The following NTN5 variants were observed in gnomAD, a reference collection of about 807,000 sequenced individuals.
NTN5 encodes the protein netrin-5.
Under a neutral mutation model 38.7 loss-of-function variants are expected in NTN5, and 42 were observed. That is an observed-to-expected ratio of 1.08 (90% confidence interval 0.85 to 1.40). The LOEUF is 1.40. Ranked by LOEUF, NTN5 falls within the 40% of genes most tolerant of loss-of-function variation. The pLI, the probability that NTN5 is intolerant of heterozygous loss-of-function variation, is 0.00. For synonymous variants in NTN5, 329 were observed against 303.9 expected (o/e 1.08, Z -0.86); for missense variants, 658 against 716.5 (o/e 0.92, Z 0.93).
At chr19:48,669,861 CCATCACCATCAT>C (rs2031886788) in intron 2 of NTN5, among the ~76,000 whole-genome samples, 1 of 118,292 alleles carries the variant, frequency 8.5e-6, no homozygotes, top group Non-Finnish European at 1.9e-5. Flanking sequence ...ATCACCACCA[CCATCACCATCAT>C]CACCACTACC....
rs557495624 is a variant in NTN5 at position 48,664,056 on chromosome 19, C to T, written c.970+87G>A. ...CTTGGGCTCCCAATTCCCAAGGCCC[C>T]AGCCCTCACTGCAGCTGTGCACTGG... On this transcript the variant is annotated intron_variant, in intron 4 of 6. Coordinates refer to ENST00000270235, the MANE Select transcript of NTN5 (RefSeq NM_145807.4). The T allele has an allele frequency of 1.7e-5, 25 of 1,467,002 alleles. 1 individual carries two copies. The East Asian group carries it at 6.2e-4, about 36-fold the overall frequency. 90.9% of individuals were successfully genotyped at this position (1,467,002 alleles called of 1,614,324 possible).
chr19:48,664,362 C>T, intron 3 of NTN5, 70 bp from the exon 4 acceptor site: 1 of 1,550,120 alleles, frequency 6.5e-7, no homozygotes, highest in East Asian at 2.3e-5. Flanking sequence ...TCCACAGTGC[C>T]TCCTCCCTCA....
chr19:48,670,151 C>T (rs555564136), intron 2 of NTN5, among the ~76,000 whole-genome samples: 1 of 152,154 alleles, frequency 6.6e-6, no homozygotes, highest in East Asian at 1.9e-4. Context: ...AGAGGCTGAG[C>T]CCCTCATGAG....
At chr19:48,670,295 G>A in intron 2 of NTN5, 61 bp downstream of exon 2, 1 of 1,367,180 alleles carries the variant, frequency 7.3e-7, no homozygotes, top group Admixed American at 3.7e-5. Flanking sequence ...TGCTCCCGTA[G>A]GGACAAAGGA....
chr19:48,663,482 C>A lies in NTN5; in HGVS notation c.1086G>T (p.Arg362Ser). Residue 362 changes from arginine to serine, a missense_variant, in exon 6 of 7, where the codon AGG (arginine) becomes AGT (serine). Coordinates refer to ENST00000270235, the MANE Select transcript of NTN5 (RefSeq NM_145807.4). Reference sequence around the variant, plus strand: ...ACTCACCATGGTCCTGCTGGCAGTACCTCCGAAGGCTCATGTGTACCCTGG... The same window carrying A: ...ACTCACCATGGTCCTGCTGGCAGTAACTCCGAAGGCTCATGTGTACCCTGG... Reference protein sequence around the residue: ...SDTRVHMSLRRYCQQDHVLRA... With the variant: ...SDTRVHMSLRSYCQQDHVLRA... 6.2e-7 allele frequency: 1 copy of A among 1,614,172 alleles called. No individual in the cohort carries two copies. The highest frequency in any genetic ancestry group is 8.5e-7 in the Non-Finnish European group (1 of 1,180,000).
rs1410521819 is a variant in NTN5, at chr19:48,670,442, G to A, written c.545C>T (p.Thr182Ile). ...PPRCHCRHHT[T>I]GPGCESCRPS... ...GCGGCAGCTCTCGCACCCCGGGCCA[G>A]TGGTATGGTGGCGGCAGTGGCAGCG... The change falls in exon 2 of 7, where the codon ACT becomes ATT. Residue 182 changes from threonine (T) to isoleucine (I), a missense_variant. Thr to Ile is a moderately conservative substitution (Grantham distance 89, BLOSUM62 -1). Transcript: ENST00000270235. The A allele has an allele frequency of 1.4e-6, 2 of 1,470,270 alleles. No homozygotes were observed. Among genetic ancestry groups the A allele is most frequent in the Non-Finnish European group, 1.8e-6 (2 of 1,111,810 alleles). The allele number at this position is 1,470,270 out of a possible 1,614,324, so 91.1% of individuals were successfully genotyped here. A position where few individuals can be genotyped will look rare whatever the true frequency, so the allele number is the denominator to read the frequency against.
At chr19:48,668,989 CCATCACCATCATCACCACTAT>C (rs2031778399) in intron 2 of NTN5, among the ~76,000 whole-genome samples, 2 of 150,494 alleles carry the variant, frequency 1.3e-5, no homozygotes, top group Non-Finnish European at 3.0e-5. Flanking sequence ...ACCACTATCA[CCATCACCATCATCACCACTAT>C]CACCACCATC....
intron 4 of NTN5, 107 bp from the exon 5 acceptor site, chr19:48,663,921 G>A (rs775989375): frequency 3.1e-5 from 38 of 1,233,992 alleles, no homozygotes; most frequent in Non-Finnish European, 4.2e-5. Flanking sequence ...TATTCCTTTA[G>A]GACTCAAGAG....
chr19:48,665,432 T>C (rs1399400959), intron 2 of NTN5, among the ~76,000 whole-genome samples: 1 of 137,576 alleles, frequency 7.3e-6, no homozygotes, highest in Non-Finnish European at 1.5e-5. Flanking sequence ...CAAGACTCCA[T>C]CTCAAAAAAA....
chr19:48,665,079 A>ATTT (rs754959077), intron 2 of NTN5, among the ~76,000 whole-genome samples: 1 of 138,334 alleles, frequency 7.2e-6, no homozygotes, highest in African/African-American at 2.7e-5. Context: ...CACACAGCTA[A>ATTT]TTTTTTTTTT....
In NTN5 at chr19:48,664,612, T is replaced by C; in HGVS notation, c.787A>G (p.Ser263Gly). ...GCCCTGCGGCTGAAGATAGGCTGGC[T>C]AGGGTCCCTCCAGAACCCAGGTTGG... Reference protein sequence around the residue: ...YCQPGFWRDPSQPIFSRRACR... With the variant: ...YCQPGFWRDPGQPIFSRRACR... Residue 263 changes from serine to glycine, a missense_variant, in exon 3 of 7, where the codon AGC becomes GGC. By Grantham distance (56) the Ser-to-Gly change is moderately conservative. Coordinates refer to ENST00000270235, the MANE Select transcript of NTN5 (RefSeq NM_145807.4). 1 of 1,613,538 alleles carries C rather than the reference T, an allele frequency of 6.2e-7. No homozygotes were observed. The highest frequency in any genetic ancestry group is 8.5e-7 in the Non-Finnish European group (1 of 1,179,816).
intron 2 of NTN5, among the ~76,000 whole-genome samples, chr19:48,665,660 A>T (rs1308607204): frequency 6.6e-6 from 1 of 151,878 alleles, no homozygotes; most frequent in African/African-American, 2.4e-5. Flanking sequence ...CTCTACTAAA[A>T]ATACAAAAAT....
chr19:48,669,303 C>T (rs1004547989), intron 2 of NTN5, among the ~76,000 whole-genome samples: 3 of 17,120 alleles, frequency 1.8e-4, no homozygotes, highest in Admixed American at 4.3e-4. Flanking sequence ...ACCATCACCA[C>T]CACCACCATC....
chr19:48,671,104 G>A lies in NTN5; in HGVS notation c.-20-98C>T, dbSNP rs555278327. On this transcript the variant is annotated intron_variant, in intron 1 of 6. Transcript: ENST00000270235. The stretch of plus-strand genomic sequence containing the variant: ...AACTGGGGCATTCCACCCCCAACCC[G>A]TCCAGGCCCCCTCCCCGGCTGCATG... 100 of 836,590 alleles carry A rather than the reference G, an allele frequency of 1.2e-4. No individual in the cohort carries two copies. The Middle Eastern group carries it at 2.8e-3, about 24-fold the overall frequency. 51.8% of individuals were successfully genotyped at this position (836,590 alleles called of 1,614,324 possible). A position where few individuals can be genotyped will look rare whatever the true frequency, so the allele number is the denominator to read the frequency against.
chr19:48,664,309 G>T lies in NTN5; in HGVS notation c.821-17C>A. ...ACTGGCAGGCTACATGAGCAGAGGA[G>T]CTGGGGGCATGGGGTATCAGGGCCC... is the stretch of plus-strand genomic sequence containing the variant. On this transcript the variant is annotated splice_polypyrimidine_tract_variant and intron_variant, in intron 3 of 6. Coordinates refer to ENST00000270235, the MANE Select transcript of NTN5 (RefSeq NM_145807.4). The T allele has an allele frequency of 1.2e-6, 2 of 1,610,084 alleles. No individual in the cohort carries two copies. Among genetic ancestry groups the T allele is most frequent in the African/African-American group, 1.3e-5 (1 of 75,028 alleles).
intron 5 of NTN5, 86 bp downstream of exon 5, chr19:48,663,675 G>A (rs1477406160): frequency 1.3e-6 from 2 of 1,509,764 alleles, no homozygotes; most frequent in African/African-American, 2.7e-5. Flanking sequence ...CTCAATGGGT[G>A]ACCCATGTAT....
Position 48,664,692 on chromosome 19 carries a change from C to T in NTN5, c.707G>A (p.Gly236Glu), listed in dbSNP as rs925261323. ...GTGGCGGCACCGCTCACAAACACCC[C>T]CACTCCGGCCGCCCGACAGTCTGAA... ...ELFRLSGGRS[G>E]GVCERCRHHT... is the part of the protein sequence containing the mutation. Residue 236 changes from glycine (G) to glutamate (E), a missense_variant, in exon 3 of 7, where the codon GGG becomes GAG. Transcript: ENST00000270235. 3 of 1,607,474 alleles carry T rather than the reference C, an allele frequency of 1.9e-6. No individual in the cohort carries two copies. Among genetic ancestry groups the T allele is most frequent in the African/African-American group, 2.7e-5 (2 of 74,788 alleles).
In NTN5 at chr19:48,661,707, T is replaced by C; in HGVS notation, c.1440A>G (p.Ala480=). The C allele has an allele frequency of 6.4e-7, 1 of 1,557,596 alleles. No homozygotes were observed. The highest frequency in any genetic ancestry group is 8.6e-7 in the Non-Finnish European group (1 of 1,161,536). ...ERAGGCRGVR[A]PTPSPRPEH is the part of the protein sequence containing the mutation. The stretch of plus-strand genomic sequence containing the variant: ...GCTCCGGCCTGGGACTGGGTGTGGG[T>C]GCCCGCACGCCGCGGCAGCCTCCGG... Residue 480 remains alanine (A), a synonymous_variant, in exon 7 of 7, where the codon GCA becomes GCG. Transcript: ENST00000270235.
intron 1 of NTN5, 59 bp from the exon 2 acceptor site, chr19:48,671,065 G>T: frequency 7.5e-7 from 1 of 1,338,366 alleles, no homozygotes; most frequent in Non-Finnish European, 1.0e-6. Flanking sequence ...ACCCCTCCTG[G>T]AGGTGTCCTG....
Sources: allele counts gnomAD v4.1 joint callset (sites outside exome capture counted in the v4.1 genomes callset), GRCh38; gene constraint gnomAD v4.1.1; transcripts MANE v1.5; gene names NCBI Gene and HGNC (gene_info 2026-07-23, HGNC 2026-07-21).